EPHA10: variants seen among roughly 807,000 people sequenced by gnomAD.
The protein encoded by EPHA10 is EPH receptor A10.
EPHA10 carries 120 observed loss-of-function variants against 109.7 expected under a neutral mutation model. The observed-to-expected ratio is 1.09, with a 90% CI of 0.94 to 1.27. The LOEUF (loss-of-function observed/expected upper bound fraction) is 1.27, where lower values mean the gene tolerates loss of function less well. Among genes scored for constraint, EPHA10 ranks in the 50% most tolerant of loss-of-function variants. The pLI, the probability that EPHA10 is intolerant of heterozygous loss-of-function variation, is 0.00. For synonymous variants in EPHA10, 640 were observed against 618.9 expected (o/e 1.03, Z -0.51); for missense variants, 1,396 against 1,411.1 (o/e 0.99, Z 0.17).
intron 8 of EPHA10, among the ~76,000 whole-genome samples, chr1:37,725,206 A>G (rs552629870): frequency 6.6e-6 from 1 of 152,244 alleles, no homozygotes; most frequent in African/African-American, 2.4e-5. Flanking sequence ...AGGGAACTGG[A>G]TTAAGTATTG....
intron 11 of EPHA10, among the ~76,000 whole-genome samples, 181 bp from the exon 12 acceptor site, chr1:37,721,025 T>A (rs1264129255): frequency 6.6e-6 from 1 of 151,962 alleles, no homozygotes; most frequent in Non-Finnish European, 1.5e-5. Context: ...AGAGGAGACA[T>A]CTGTAGGTGA....
rs1037740417 is a variant in EPHA10 at position 37,736,498 on chromosome 1, A to G, written c.1358-1108T>C. 5.0e-3 allele frequency among the ~76,000 whole-genome samples: 717 copies of G among 144,500 alleles called. 6 individuals are homozygous for G. The highest frequency in any genetic ancestry group is 0.017 in the African/African-American group (689 of 39,630). 94.8% of individuals were successfully genotyped at this position (144,500 alleles called of 152,430 possible). On this transcript the variant is annotated intron_variant, in intron 5 of 16. Transcript: ENST00000373048. ...TCTCAAAAAAAAAAAAAAAAAAAAA[A>G]AGAGATTGAGACCATCCTGGCCAAC...
chr1:37,764,324 A>T lies in EPHA10; in HGVS notation c.106+637T>A, dbSNP rs556036096. Among the ~76,000 whole-genome samples the T allele has an allele frequency of 6.6e-6, 1 of 152,152 alleles. No homozygotes were observed. The highest frequency in any genetic ancestry group is 1.5e-5 in the Non-Finnish European group (1 of 68,014). ...CAGCTCCTCCGGATTCTGCACCTAG[A>T]TATGACGCCTCTGGATTCAACTGAG... On this transcript the variant is annotated intron_variant, in intron 1 of 16. Transcript: ENST00000373048. This position sits in a 1 kb window ranked among gnomAD's most constrained non-coding sequence, Gnocchi z 5.8.
chr1:37,734,801 A>T, intron 6 of EPHA10: 1 of 348,314 alleles, frequency 2.9e-6, no homozygotes, highest in Non-Finnish European at 5.6e-6. Flanking sequence ...ATAATAACTC[A>T]TACATTTATT....
rs755418681 is a variant in EPHA10 at position 37,720,388 on chromosome 1, C to G, written c.2375G>C (p.Gly792Ala). 1.2e-6 allele frequency: 2 copies of G among 1,612,292 alleles called. No homozygotes were observed. The highest frequency in any genetic ancestry group is 1.7e-5 in the Admixed American group (1 of 59,898). The change falls in exon 13 of 17, where the codon GGC (glycine) becomes GCC (alanine). Residue 792 changes from glycine (G) to alanine (A), a missense_variant. Gly to Ala is a moderately conservative substitution (Grantham distance 60). Transcript: ENST00000373048. ...LVCKISGFGRGPRDRSEAVYT... is the reference protein window; with the variant it reads ...LVCKISGFGRAPRDRSEAVYT... The stretch of plus-strand genomic sequence containing the variant: ...GACAGCCTCTGATCGGTCCCGGGGG[C>G]CCCGCCCGAAGCCAGAGATCTTGCA...
At chr1:37,719,035 T>C in intron 15 of EPHA10, 2 of 641,510 alleles carry the variant, frequency 3.1e-6, no homozygotes, top group Admixed American at 3.0e-5. Context: ...GCTAAAGGTA[T>C]TGGCGTATCC....
At chr1:37,762,657 G>T in intron 2 of EPHA10, 128 bp downstream of exon 2, 1 of 707,916 alleles carries the variant, frequency 1.4e-6, no homozygotes, top group Non-Finnish European at 2.1e-6. Flanking sequence ...CTGGCTTGAA[G>T]CCAGGGCTGC....
rs894506939 is a variant in EPHA10 at position 37,753,298 on chromosome 1, G to T, written c.1007-72C>A. 1.1e-4 allele frequency: 100 copies of T among 931,906 alleles called. No homozygotes were observed. In the East Asian group the frequency reaches 2.9e-3, roughly 27 times the overall value. 57.7% of individuals were successfully genotyped at this position (931,906 alleles called of 1,614,324 possible). A position where few individuals can be genotyped will look rare whatever the true frequency, so the allele number is the denominator to read the frequency against. ...CGTGAGAGGGGCGGGATGCACGAGG[G>T]GGGGGCGGGGTCTTGTCCACCCCCA... is the stretch of plus-strand genomic sequence containing the variant. On this transcript the variant is annotated intron_variant, in intron 4 of 16. Transcript: ENST00000373048.
chr1:37,718,220 G>A lies in EPHA10; in HGVS notation c.*152C>T. The stretch of plus-strand genomic sequence containing the variant: ...AAAATGGGAGGGGCAGGCAGTGAAA[G>A]CGGGGAAGCTGTGGCCCCACCAGAT... On this transcript the variant is annotated 3_prime_UTR_variant, in exon 17 of 17. Transcript: ENST00000373048. The A allele has an allele frequency of 1.5e-6, 1 of 666,460 alleles. No homozygotes were observed. The highest frequency in any genetic ancestry group is 2.6e-6 in the Non-Finnish European group (1 of 383,288). The allele number at this position is 666,460 out of a possible 1,614,324, so 41.3% of individuals were successfully genotyped here. A position where few individuals can be genotyped will look rare whatever the true frequency, so the allele number is the denominator to read the frequency against.
chr1:37,735,452 G>A, intron 5 of EPHA10, 62 bp from the exon 6 acceptor site: 3 of 1,528,272 alleles, frequency 2.0e-6, no homozygotes, highest in South Asian at 1.3e-5. Context: ...CTGGGGGTGC[G>A]GGGAAGAGGG....
rs190091134 is a variant in EPHA10 at position 37,760,685 on chromosome 1, G to A, written c.850+720C>T. 801 of 212,432 alleles carry A rather than the reference G, an allele frequency of 3.8e-3. 17 individuals carry two copies. The Admixed American group carries it at 0.044, about 12-fold the overall frequency. 13.2% of individuals were successfully genotyped at this position (212,432 alleles called of 1,614,324 possible). On this transcript the variant is annotated intron_variant, in intron 3 of 16. Transcript: ENST00000373048. ...CTCATGATGTCATAGAATGTGAGTT[G>A]GGCAAGCCTGAATTCAAATCCTAGC... is the stretch of plus-strand genomic sequence containing the variant.
chr1:37,740,980 G>C (rs1007797928), intron 5 of EPHA10, among the ~76,000 whole-genome samples: 13 of 152,190 alleles, frequency 8.5e-5, no homozygotes, highest in South Asian at 6.2e-4. Context: ...TGACAAGGAG[G>C]AGCCAGAGAG....
At position 37,735,273 on chromosome 1, in the gene EPHA10, A is replaced by ATC; in HGVS notation, c.1473_1474dup (p.Ile492ArgfsTer17). ...CGCACTCACCTTCTCGTAGTATCGG[A>ATC]TCTCGTACTCCGTGTCATTGGCCCC... is the stretch of plus-strand genomic sequence containing the variant. On this transcript the variant is annotated frameshift_variant, in exon 6 of 17. Transcript: ENST00000373048. LOFTEE classifies it high-confidence loss of function. The ATC allele has an allele frequency of 6.4e-7, 1 of 1,565,948 alleles. No homozygotes were observed. Among genetic ancestry groups the ATC allele is most frequent in the Non-Finnish European group, 8.7e-7 (1 of 1,155,336 alleles).
At chr1:37,735,218 G>A in intron 6 of EPHA10, 39 bp downstream of exon 6, 1 of 1,557,580 alleles carries the variant, frequency 6.4e-7, no homozygotes, top group Non-Finnish European at 8.7e-7. Context: ...CGGGACAGGT[G>A]CGGGGCAGGC....
At position 37,727,794 on chromosome 1, in the gene EPHA10, T is replaced by A. The variant is rs1171391262; in HGVS notation, c.1664-584A>T. 1.3e-5 allele frequency among the ~76,000 whole-genome samples: 2 copies of A among 152,220 alleles called. 1 individual carries two copies. Among genetic ancestry groups the A allele is most frequent in the Non-Finnish European group, 2.9e-5 (2 of 68,048 alleles). ...AAGTGGTGAACCTAAGATTTGAGCA[T>A]CACTCCAAAAGTCTCTGCCTGATTC... On this transcript the variant is annotated intron_variant, in intron 7 of 16. Transcript: ENST00000373048.
At chr1:37,748,655 T>C (rs975110676) in intron 5 of EPHA10, among the ~76,000 whole-genome samples, 1 of 152,010 alleles carries the variant, frequency 6.6e-6, no homozygotes, top group Non-Finnish European at 1.5e-5. Flanking sequence ...ATAATATATC[T>C]AGTAGGGTAT....
chr1:37,735,786 C>T (rs1224235851), intron 5 of EPHA10, among the ~76,000 whole-genome samples: 2 of 152,006 alleles, frequency 1.3e-5, no homozygotes, highest in African/African-American at 4.8e-5. Flanking sequence ...TGCTTCTTAA[C>T]GATTCCAATG....
intron 5 of EPHA10, among the ~76,000 whole-genome samples, chr1:37,748,686 TCA>T (rs779209995): frequency 2.0e-5 from 3 of 151,940 alleles, no homozygotes; most frequent in Non-Finnish European, 4.4e-5. Flanking sequence ...TGCAGAGAGT[TCA>T]CACTGAAATA....
intron 5 of EPHA10, among the ~76,000 whole-genome samples, chr1:37,744,727 A>C (rs1473319941): frequency 1.3e-5 from 2 of 151,088 alleles, no homozygotes; most frequent in Non-Finnish European, 3.0e-5. Flanking sequence ...GTGAAAGCCA[A>C]ACCACAGAGT....
Sources: gnomAD v4.1 joint callset for allele counts (sites outside exome capture counted in the v4.1 genomes callset) on GRCh38, gnomAD v4.1.1 for gene constraint, Gnocchi (gnomAD v3.1) non-coding constraint, MANE v1.5 for transcripts, NCBI Gene and HGNC (gene_info 2026-07-23, HGNC 2026-07-21) for gene names.